PDZRN4: variants seen among roughly 807,000 people sequenced by gnomAD.
PDZRN4 encodes PDZ domain containing ring finger 4.
PDZRN4 carries 70 observed loss-of-function variants against 99.0 expected under a neutral mutation model. That is an observed-to-expected ratio of 0.71 (90% CI 0.58 to 0.86). The LOEUF (loss-of-function observed/expected upper bound fraction) is 0.86. Ranked by LOEUF, PDZRN4 falls within the 40% of genes least tolerant of loss-of-function variation. The pLI is 0.00. For missense variants in PDZRN4, 1,474 were observed against 1,331.2 expected (o/e 1.11, Z -1.67); for synonymous variants, 551 against 501.6 (o/e 1.10, Z -1.32).
chr12:41,477,017 T>C (rs1254363487), intron 3 of PDZRN4, among the ~76,000 whole-genome samples: 3 of 152,222 alleles, frequency 2.0e-5, no homozygotes, highest in African/African-American at 7.2e-5. Flanking sequence ...TCATTTTGCA[T>C]GAGCAACTTT....
intron 3 of PDZRN4, among the ~76,000 whole-genome samples, chr12:41,498,496 G>A (rs1938051878): frequency 6.6e-6 from 1 of 152,138 alleles, no homozygotes; most frequent in Non-Finnish European, 1.5e-5. Context: ...GCACCACATG[G>A]CAAGAGAGGA....
rs1370906407 is a variant in PDZRN4, at chr12:41,346,233, C to T, written c.843+152045C>T. Among the ~76,000 whole-genome samples, 13 of 152,096 alleles carry T rather than the reference C, an allele frequency of 8.5e-5. 1 individual carries two copies. The highest frequency in any genetic ancestry group is 1.9e-4 in the Non-Finnish European group (13 of 68,010). On this transcript the variant is annotated intron_variant, in intron 3 of 9. Coordinates refer to ENST00000402685, the MANE Select transcript of PDZRN4 (RefSeq NM_001164595.2). The stretch of plus-strand genomic sequence containing the variant: ...ATCCCAGCACTTTGGGAGGCCGAGG[C>T]GGGCAGATCACGAGGTCAGGAGATC...
intron 9 of PDZRN4, among the ~76,000 whole-genome samples, chr12:41,571,536 A>C (rs1939479821): frequency 6.6e-6 from 1 of 152,072 alleles, no homozygotes; most frequent in African/African-American, 2.4e-5. Context: ...TATTCTCAAT[A>C]GACTAAAATT....
At chr12:41,392,698 T>C (rs117812381) in intron 3 of PDZRN4, among the ~76,000 whole-genome samples, 3 of 152,148 alleles carry the variant, frequency 2.0e-5, no homozygotes, top group African/African-American at 7.2e-5. Context: ...ATATTTGGGG[T>C]ATGTAGGAGC....
chr12:41,517,788 A>AT (rs1276752553), intron 5 of PDZRN4, among the ~76,000 whole-genome samples: 4 of 150,928 alleles, frequency 2.7e-5, no homozygotes, highest in African/African-American at 7.3e-5. Context: ...ATCAACCCAC[A>AT]TTTTTTTTTA....
At chr12:41,265,046 C>A (rs1951267173) in intron 3 of PDZRN4, among the ~76,000 whole-genome samples, 1 of 152,084 alleles carries the variant, frequency 6.6e-6, no homozygotes, top group Non-Finnish European at 1.5e-5. Context: ...CTCAGCATTG[C>A]ACAACATATC....
intron 5 of PDZRN4, among the ~76,000 whole-genome samples, chr12:41,538,998 C>T (rs1938798781): frequency 6.6e-6 from 1 of 152,010 alleles, no homozygotes; most frequent in Non-Finnish European, 1.5e-5. Context: ...ACATTACAGT[C>T]CGCTGTTAGC....
At chr12:41,290,333 A>G (rs1159636379) in intron 3 of PDZRN4, among the ~76,000 whole-genome samples, 3 of 152,306 alleles carry the variant, frequency 2.0e-5, no homozygotes, top group Admixed American at 1.3e-4. Flanking sequence ...TTGATTCAAA[A>G]CATCTTTTGT....
At chr12:41,566,154 T>G (rs562541832) in intron 8 of PDZRN4, among the ~76,000 whole-genome samples, 1 of 152,344 alleles carries the variant, frequency 6.6e-6, no homozygotes, top group African/African-American at 2.4e-5. Context: ...TCTACTGGAT[T>G]ACTCAATAAG....
At chr12:41,344,036 G>T (rs1337168187) in intron 3 of PDZRN4, among the ~76,000 whole-genome samples, 1 of 151,750 alleles carries the variant, frequency 6.6e-6, no homozygotes, top group Non-Finnish European at 1.5e-5. Flanking sequence ...TATACTTCAG[G>T]TTTCTACTCA....
At chr12:41,340,709 T>C (rs1156572676) in intron 3 of PDZRN4, among the ~76,000 whole-genome samples, 1 of 151,842 alleles carries the variant, frequency 6.6e-6, no homozygotes, top group East Asian at 1.9e-4. Context: ...TATAAATCTA[T>C]GTTGCTACAA....
chr12:41,573,695 G>A lies in PDZRN4; in HGVS notation c.2916G>A (p.Lys972=), dbSNP rs754160813. The change falls in exon 10 of 10, where the codon AAG becomes AAA. Residue 972 remains lysine (K), a synonymous_variant. Coordinates refer to ENST00000402685, the MANE Select transcript of PDZRN4 (RefSeq NM_001164595.2). The stretch of plus-strand genomic sequence containing the variant: ...TGCGAAGCAGGTTAGAGTGTCTCAA[G>A]GAGAGCCCTCAGAGCGGCAGTGAGG... ...FMMRSRLECL[K]ESPQSGSEGK... The A allele has an allele frequency of 2.5e-6, 4 of 1,613,992 alleles. No individual in the cohort carries two copies. In the South Asian group the frequency reaches 3.3e-5, roughly 13 times the overall value.
intron 5 of PDZRN4, among the ~76,000 whole-genome samples, chr12:41,520,554 A>T (rs779070944): frequency 4.0e-5 from 6 of 151,806 alleles, no homozygotes; most frequent in Non-Finnish European, 7.4e-5. Flanking sequence ...AGAAAATATG[A>T]TCATATTTTT....
intron 3 of PDZRN4, among the ~76,000 whole-genome samples, chr12:41,375,310 A>T (rs550543168): frequency 2.4e-4 from 36 of 152,348 alleles, no homozygotes; most frequent in African/African-American, 8.4e-4. Context: ...GAGCCAATAC[A>T]TATATTCAAC....
At chr12:41,482,440 G>A (rs2120603099) in intron 3 of PDZRN4, among the ~76,000 whole-genome samples, 1 of 152,218 alleles carries the variant, frequency 6.6e-6, no homozygotes, top group Non-Finnish European at 1.5e-5. Context: ...ATAACTGTTG[G>A]CTAGCCAACC....
intron 3 of PDZRN4, among the ~76,000 whole-genome samples, chr12:41,238,555 G>A (rs1427264341): frequency 6.6e-6 from 1 of 151,882 alleles, no homozygotes; most frequent in Non-Finnish European, 1.5e-5. Flanking sequence ...CCATTAAAAA[G>A]TGGGCAAAGA....
intron 3 of PDZRN4, among the ~76,000 whole-genome samples, chr12:41,201,677 T>C (rs1249351429): frequency 2.6e-5 from 4 of 152,052 alleles, no homozygotes; most frequent in East Asian, 1.9e-4. Flanking sequence ...ATTTTTCCAG[T>C]TGGGCAGTCC....
chr12:41,388,701 T>C (rs1952189437), intron 3 of PDZRN4, among the ~76,000 whole-genome samples: 1 of 152,174 alleles, frequency 6.6e-6, no homozygotes, highest in African/African-American at 2.4e-5. Flanking sequence ...GGAAGACAGA[T>C]TCAGGATTGG....
At chr12:41,336,817 A>G (rs1949949) in intron 3 of PDZRN4, among the ~76,000 whole-genome samples, 61,684 of 151,194 alleles carry the variant, frequency 0.41, 11,328 homozygotes, top group African/African-American at 0.45. Context: ...TTCTGTTCCT[A>G]GGTGGGATGG....
Sources: gnomAD v4.1 joint callset for allele counts (sites outside exome capture counted in the v4.1 genomes callset) on GRCh38, gnomAD v4.1.1 for gene constraint, MANE v1.5 for transcripts, NCBI Gene and HGNC (gene_info 2026-07-23, HGNC 2026-07-21) for gene names.